The following ZNF407 variants were observed in gnomAD, a reference collection of about 807,000 sequenced individuals.
The protein encoded by ZNF407 is zinc finger protein 407.
In ZNF407, 17 loss-of-function variants were observed where a neutral mutation model predicts 131.2. The ratio of observed to expected loss-of-function variants is 0.13; its 90% CI spans 0.09 to 0.19. ZNF407 has a LOEUF of 0.19. Ranked by LOEUF, ZNF407 falls within the 10% of genes least tolerant of loss-of-function variation. The pLI is 1.00. For synonymous variants in ZNF407, 1,156 were observed against 1,062.0 expected (o/e 1.09, Z -1.72); for missense variants, 2,681 against 2,830.6 (o/e 0.95, Z 1.20).
chr18:74,874,553 C>G (rs1448771084), intron 4 of ZNF407, among the ~76,000 whole-genome samples: 1 of 152,064 alleles, frequency 6.6e-6, no homozygotes, highest in South Asian at 2.1e-4. Context: ...GCTGTTGAGG[C>G]CTGTCAGCAC....
chr18:74,659,181 TTTA>T (rs1985608063), intron 3 of ZNF407, among the ~76,000 whole-genome samples: 1 of 152,188 alleles, frequency 6.6e-6, no homozygotes, highest in Non-Finnish European at 1.5e-5. Flanking sequence ...GGTTTAGATT[TTTA>T]TTTTTCAAAG....
chr18:74,756,897 T>A (rs935991639), intron 3 of ZNF407, among the ~76,000 whole-genome samples: 3 of 152,154 alleles, frequency 2.0e-5, no homozygotes, highest in African/African-American at 7.2e-5. Context: ...ATGTTTATAG[T>A]ATTCATCTTT....
At chr18:74,628,085 C>G (rs1034924481) in intron 1 of ZNF407, among the ~76,000 whole-genome samples, 5 of 151,956 alleles carry the variant, frequency 3.3e-5, no homozygotes, top group African/African-American at 1.2e-4. Context: ...GATGTTTTTT[C>G]ACTTAAAACA....
chr18:74,616,035 ATAGTTT>A (rs1983276136), intron 1 of ZNF407, among the ~76,000 whole-genome samples: 1 of 152,054 alleles, frequency 6.6e-6, no homozygotes, highest in Non-Finnish European at 1.5e-5. Flanking sequence ...AGCCCCTATT[ATAGTTT>A]TAATTGTTTA....
At chr18:74,763,907 G>A (rs1969166879) in intron 3 of ZNF407, among the ~76,000 whole-genome samples, 1 of 151,270 alleles carries the variant, frequency 6.6e-6, no homozygotes, top group Non-Finnish European at 1.5e-5. Context: ...TAGAGACGGG[G>A]TTTCACCGTG....
At chr18:74,718,205 GCC>G (rs33924277) in intron 3 of ZNF407, among the ~76,000 whole-genome samples, 1 of 148,334 alleles carries the variant, frequency 6.7e-6, no homozygotes, top group Non-Finnish European at 1.5e-5. Flanking sequence ...CTTTTTTGCA[GCC>G]CCCCCCCTCC....
chr18:74,686,354 A>G (rs1599069056), intron 3 of ZNF407, among the ~76,000 whole-genome samples: 1 of 152,168 alleles, frequency 6.6e-6, no homozygotes, highest in East Asian at 1.9e-4. Flanking sequence ...TCTACTTCAT[A>G]ACCCCCATAA....
At chr18:74,708,757 C>T (rs990603618) in intron 3 of ZNF407, among the ~76,000 whole-genome samples, 1 of 152,202 alleles carries the variant, frequency 6.6e-6, no homozygotes, top group African/African-American at 2.4e-5. Flanking sequence ...ACAGGAACCC[C>T]GCACGCGGCT....
At chr18:74,994,655 A>G (rs1972758425) in intron 8 of ZNF407, among the ~76,000 whole-genome samples, 1 of 152,174 alleles carries the variant, frequency 6.6e-6, no homozygotes, top group Non-Finnish European at 1.5e-5. Flanking sequence ...AGATTCTCAA[A>G]CGGTAGGGAG....
At chr18:74,978,233 C>T (rs1204598718) in intron 8 of ZNF407, among the ~76,000 whole-genome samples, 6 of 152,020 alleles carry the variant, frequency 3.9e-5, no homozygotes, top group Non-Finnish European at 7.4e-5. Context: ...GCATTCCTTG[C>T]GTGGGGGACA....
At position 74,734,671 on chromosome 18, in the gene ZNF407, T is replaced by TTGTGTGTG. The variant is rs200073035; in HGVS notation, c.4803-46725_4803-46718dup. Among the ~76,000 whole-genome samples, 745 of 138,956 alleles carry TTGTGTGTG rather than the reference T, an allele frequency of 5.4e-3. 6 individuals are homozygous for TTGTGTGTG. Among genetic ancestry groups the TTGTGTGTG allele is most frequent in the African/African-American group, 0.018 (644 of 36,142 alleles). 91.2% of individuals were successfully genotyped at this position (138,956 alleles called of 152,430 possible). On this transcript the variant is annotated intron_variant, in intron 3 of 8. Coordinates refer to ENST00000299687, the MANE Select transcript of ZNF407 (RefSeq NM_017757.3). ...AAATTATACCATTTTGAGTTTCAATTTGTGTGTGTGTGTGTGTGTGTGTGT... is the reference window on the plus strand; with the variant it reads ...AAATTATACCATTTTGAGTTTCAATTTGTGTGTGTGTGTGTGTGTGTGTGTGTGTGTGT...
intron 1 of ZNF407, among the ~76,000 whole-genome samples, chr18:74,608,772 G>A (rs1045203572): frequency 2.6e-5 from 4 of 152,090 alleles, no homozygotes; most frequent in African/African-American, 9.7e-5. Context: ...TGAGGTTTAG[G>A]CATTTTTGGT....
At chr18:75,022,108 T>C (rs79658532) in intron 8 of ZNF407, among the ~76,000 whole-genome samples, 3,469 of 152,162 alleles carry the variant, frequency 0.023, 118 homozygotes, top group African/African-American at 0.073. Context: ...ACTAGTAACT[T>C]AACAAATGCA....
At chr18:74,853,794 A>G (rs1970822162) in intron 4 of ZNF407, among the ~76,000 whole-genome samples, 2 of 152,082 alleles carry the variant, frequency 1.3e-5, no homozygotes, top group African/African-American at 4.8e-5. Context: ...ACAGTTTTCC[A>G]AGTCTGACAA....
chr18:74,761,295 A>G (rs889991227), intron 3 of ZNF407, among the ~76,000 whole-genome samples: 4 of 152,108 alleles, frequency 2.6e-5, no homozygotes, highest in East Asian at 1.9e-4. Context: ...GGTGAGAGAC[A>G]TTTTTATATT....
intron 1 of ZNF407, among the ~76,000 whole-genome samples, chr18:74,618,223 T>C (rs1266244131): frequency 2.0e-5 from 3 of 152,148 alleles, no homozygotes; most frequent in Non-Finnish European, 1.5e-5. Flanking sequence ...CGTAAGATGC[T>C]CCAAGCTTAC....
At chr18:74,726,223 A>C (rs1202113839) in intron 3 of ZNF407, among the ~76,000 whole-genome samples, 3 of 152,112 alleles carry the variant, frequency 2.0e-5, no homozygotes, top group Non-Finnish European at 4.4e-5. Flanking sequence ...ATGTATGTAG[A>C]CTGCCTCTAT....
chr18:74,904,169 C>T (rs9965331), intron 7 of ZNF407, among the ~76,000 whole-genome samples: 6,023 of 152,232 alleles, frequency 0.04, 386 homozygotes, highest in African/African-American at 0.14. Context: ...TTAGCATGTT[C>T]GTTCTTCATC....
chr18:74,911,891 T>A (rs528208294), intron 7 of ZNF407, among the ~76,000 whole-genome samples: 1 of 152,030 alleles, frequency 6.6e-6, no homozygotes, highest in South Asian at 2.1e-4. Context: ...AAATGGAAAG[T>A]GGGTTGCGGG....
Sources: gnomAD v4.1 joint callset for allele counts (sites outside exome capture counted in the v4.1 genomes callset) on GRCh38, gnomAD v4.1.1 for gene constraint, MANE v1.5 for transcripts, NCBI Gene and HGNC (gene_info 2026-07-23, HGNC 2026-07-21) for gene names.